Variants in PKD1L3 observed in about 807,000 individuals in gnomAD.
PKD1L3 encodes the protein polycystin 1 like 3, transient receptor potential channel interacting, also known as polycystin-1-like protein 3.
Under a neutral mutation model 184.1 loss-of-function variants are expected in PKD1L3, and 239 were observed. The observed-to-expected ratio is 1.30, with a 90% CI of 1.17 to 1.45. The LOEUF (loss-of-function observed/expected upper bound fraction) is 1.45, where lower values mean the gene tolerates loss of function less well. Ranked by LOEUF, PKD1L3 falls within the 40% of genes most tolerant of loss-of-function variation. The probability of loss-of-function intolerance (pLI) is 0.00; values close to 1 mark genes in which losing one functional copy is unlikely to be tolerated. For missense variants in PKD1L3, 2,660 were observed against 2,067.2 expected (o/e 1.29, Z -5.56); for synonymous variants, 996 against 778.8 (o/e 1.28, Z -4.64).
intron 16 of PKD1L3, 131 bp downstream of exon 16, chr16:71,963,074 G>A (rs1597328306): frequency 1.0e-6 from 1 of 997,102 alleles, no homozygotes; most frequent in Non-Finnish European, 1.4e-6. Flanking sequence ...AACCACAACA[G>A]TAATGCTTAT....
chr16:71,997,752 AAAAT>A (rs58522217), intron 2 of PKD1L3, among the ~76,000 whole-genome samples: 5,746 of 145,706 alleles, frequency 0.039, 137 homozygotes, highest in East Asian at 0.056. Context: ...CAGTCTTGGA[AAAAT>A]AAATAAATAA....
chr16:71,947,823 G>C (rs1453591238), intron 21 of PKD1L3, among the ~76,000 whole-genome samples: 4 of 152,122 alleles, frequency 2.6e-5, no homozygotes, highest in African/African-American at 9.7e-5. Context: ...TTCTTAATCT[G>C]GTTGGCTGGG....
chr16:71,941,140 C>G (rs1160443725), intron 24 of PKD1L3, among the ~76,000 whole-genome samples: 1 of 151,790 alleles, frequency 6.6e-6, no homozygotes, highest in African/African-American at 2.4e-5. Flanking sequence ...ACCCAGCCTG[C>G]CTTTCTTTAA....
intron 26 of PKD1L3, 83 bp from the exon 27 acceptor site, chr16:71,934,208 T>C (rs2038094959): frequency 7.7e-7 from 1 of 1,304,554 alleles, no homozygotes; most frequent in Non-Finnish European, 1.1e-6. Flanking sequence ...CTGCTGATCG[T>C]GGCAGCCCTG....
chr16:71,949,968 T>C lies in PKD1L3; in HGVS notation c.3433A>G (p.Ile1145Val). 1.3e-6 allele frequency: 2 copies of C among 1,551,538 alleles called. No homozygotes were observed. The highest frequency in any genetic ancestry group is 8.7e-7 in the Non-Finnish European group (1 of 1,147,000). Reference sequence around the variant, plus strand: ...AACCATTTGGACAGGCCATTTGAGATGGGCTTTTTTCCTTCTTCTGAGCTC... The same window carrying C: ...AACCATTTGGACAGGCCATTTGAGACGGGCTTTTTTCCTTCTTCTGAGCTC... Reference protein sequence around the residue: ...ILSSEEGKKPISNGLSKWLTS... With the variant: ...ILSSEEGKKPVSNGLSKWLTS... Residue 1145 changes from isoleucine to valine, a missense_variant, in exon 21 of 30, where the codon ATC (isoleucine) becomes GTC (valine). Physicochemically the swap from Ile to Val is conservative, Grantham distance 29. Coordinates refer to ENST00000620267, the MANE Select transcript of PKD1L3 (RefSeq NM_181536.2).
intron 15 of PKD1L3, among the ~76,000 whole-genome samples, chr16:71,965,158 T>C (rs577998456): frequency 6.6e-6 from 1 of 152,268 alleles, no homozygotes; most frequent in South Asian, 2.1e-4. Flanking sequence ...TATACATTCT[T>C]TATGTACAGC....
chr16:71,940,898 T>C (rs918778557), intron 24 of PKD1L3, among the ~76,000 whole-genome samples: 1 of 151,782 alleles, frequency 6.6e-6, no homozygotes, highest in African/African-American at 2.4e-5. Context: ...TGCACTGGTA[T>C]GATCTCAGCT....
At position 71,950,100 on chromosome 16, in the gene PKD1L3, C is replaced by G; in HGVS notation, c.3383+18G>C. 6.5e-7 allele frequency: 1 copy of G among 1,549,808 alleles called. No individual in the cohort carries two copies. The highest frequency in any genetic ancestry group is 8.7e-7 in the Non-Finnish European group (1 of 1,145,360). On this transcript the variant is annotated intron_variant, in intron 20 of 29. Transcript: ENST00000620267. ...GGAAGATTACAGGGGATAAAGAAGG[C>G]TTGGTGTGGTGCATTACCTGGATGG...
chr16:71,998,493 C>G, intron 1 of PKD1L3, 99 bp from the exon 2 acceptor site: 2 of 1,429,904 alleles, frequency 1.4e-6, no homozygotes, highest in Non-Finnish European at 1.8e-6. Context: ...CTCAGTCACC[C>G]AAGCTGGAGT....
chr16:71,975,710 A>T (rs908156099), intron 11 of PKD1L3, among the ~76,000 whole-genome samples: 1 of 152,166 alleles, frequency 6.6e-6, no homozygotes, highest in Non-Finnish European at 1.5e-5. Context: ...TTCCTTACAT[A>T]CATATCCTTA....
At chr16:71,936,568 G>A (rs1022091180) in intron 25 of PKD1L3, among the ~76,000 whole-genome samples, 3 of 140,688 alleles carry the variant, frequency 2.1e-5, no homozygotes, top group Non-Finnish European at 3.0e-5. Context: ...TGCCCAAGCT[G>A]AAGTGCAAGG....
At chr16:71,967,847 G>C in intron 14 of PKD1L3, 59 bp downstream of exon 14, 1 of 1,379,956 alleles carries the variant, frequency 7.2e-7, no homozygotes, top group Non-Finnish European at 1.0e-6. Flanking sequence ...CACCAACTCA[G>C]AGTGTGTCTC....
intron 13 of PKD1L3, 99 bp downstream of exon 13, chr16:71,969,776 C>T: frequency 9.2e-7 from 1 of 1,083,196 alleles, no homozygotes; most frequent in Non-Finnish European, 1.3e-6. Flanking sequence ...CCTCCCAGTA[C>T]CAGGCTTCCT....
At position 71,994,145 on chromosome 16, in the gene PKD1L3, G is replaced by C. The variant is rs370765339; in HGVS notation, c.419-813C>G. 8.5e-5 allele frequency among the ~76,000 whole-genome samples: 13 copies of C among 152,188 alleles called. 1 individual carries two copies. In the East Asian group the frequency reaches 1.9e-3, roughly 23 times the overall value. On this transcript the variant is annotated intron_variant, in intron 2 of 29. Transcript: ENST00000620267. ...TCACACACACAATTGGACATGGCTA[G>C]AGAAAATCATATAACCATGATGACT...
chr16:71,951,828 C>T, intron 18 of PKD1L3, 84 bp from the exon 19 acceptor site: 3 of 1,277,704 alleles, frequency 2.3e-6, no homozygotes, highest in Non-Finnish European at 2.1e-6. Flanking sequence ...AAGGCCGTTC[C>T]CTTTCGTCAG....
intron 12 of PKD1L3, 47 bp from the exon 13 acceptor site, chr16:71,970,152 G>A (rs769980445): frequency 1.1e-5 from 16 of 1,438,248 alleles, no homozygotes; most frequent in South Asian, 1.0e-4. Flanking sequence ...AGAGTGCTAA[G>A]GAGGGGACAG....
In PKD1L3 at chr16:71,973,530, A is replaced by T; in HGVS notation, c.1760-13T>A. On this transcript the variant is annotated splice_polypyrimidine_tract_variant and intron_variant, in intron 11 of 29. Transcript: ENST00000620267. ...GTGTACTCCTCATCTTAGAACAAAG[A>T]AGAGTGCTTACTTGTATATCAAATG... 1 of 1,548,882 alleles carries T rather than the reference A, an allele frequency of 6.5e-7. No homozygotes were observed. The highest frequency in any genetic ancestry group is 8.7e-7 in the Non-Finnish European group (1 of 1,145,008).
At chr16:71,940,265 C>A (rs1487060025) in intron 24 of PKD1L3, among the ~76,000 whole-genome samples, 2 of 152,106 alleles carry the variant, frequency 1.3e-5, no homozygotes, top group Admixed American at 1.3e-4. Flanking sequence ...GACTTGGGGG[C>A]ACCAGCTACC....
chr16:71,943,740 G>C (rs371783322), intron 23 of PKD1L3, among the ~76,000 whole-genome samples: 1 of 152,106 alleles, frequency 6.6e-6, no homozygotes, highest in East Asian at 1.9e-4. Context: ...ACCTACAGAA[G>C]AGCCATCTGC....
Sources: gnomAD v4.1 joint callset for allele counts (sites outside exome capture counted in the v4.1 genomes callset) on GRCh38, gnomAD v4.1.1 for gene constraint, MANE v1.5 for transcripts, NCBI Gene and HGNC (gene_info 2026-07-23, HGNC 2026-07-21) for gene names.